The following FEZ2 variants were observed in gnomAD, a reference collection of about 807,000 sequenced individuals.
The protein encoded by FEZ2 is fasciculation and elongation protein zeta-2.
FEZ2 carries 51 observed loss-of-function variants against 40.4 expected under a neutral mutation model. The observed-to-expected ratio is 1.26, with a 90% confidence interval of 1.01 to 1.59. The LOEUF is 1.59. Ranked by LOEUF, FEZ2 falls within the 40% of genes most tolerant of loss-of-function variation. The probability of loss-of-function intolerance (pLI) is 0.00; values close to 1 mark genes in which losing one functional copy is unlikely to be tolerated. For missense variants in FEZ2, 640 were observed against 438.3 expected (o/e 1.46, Z -4.11); for synonymous variants, 242 against 172.0 (o/e 1.41, Z -3.18).
At chr2:36,563,542 A>T (rs960273335) in intron 5 of FEZ2, among the ~76,000 whole-genome samples, 2 of 152,016 alleles carry the variant, frequency 1.3e-5, no homozygotes, top group South Asian at 4.2e-4. Flanking sequence ...AAAAAACTAA[A>T]ATCTACGTCT....
chr2:36,570,660 T>G (rs1668382578), intron 5 of FEZ2, among the ~76,000 whole-genome samples: 1 of 152,202 alleles, frequency 6.6e-6, no homozygotes, highest in Admixed American at 6.5e-5. Context: ...TATAGTCTAC[T>G]CCATACTTAG....
intron 1 of FEZ2, 139 bp downstream of exon 1, chr2:36,597,738 G>C (rs1669270785): frequency 1.7e-6 from 1 of 601,462 alleles, no homozygotes; most frequent in Non-Finnish European, 2.5e-6. Context: ...CCGACGGCCG[G>C]AGGAAGGAGG....
intron 1 of FEZ2, among the ~76,000 whole-genome samples, chr2:36,596,355 A>T (rs377158817): frequency 6.6e-6 from 1 of 152,334 alleles, no homozygotes; most frequent in East Asian, 1.9e-4. Flanking sequence ...ATCAGGCTGG[A>T]AACTCCTTTC....
chr2:36,597,755 G>A (rs886443870), intron 1 of FEZ2, 122 bp downstream of exon 1: 8 of 697,136 alleles, frequency 1.1e-5, no homozygotes, highest in East Asian at 6.9e-5. Context: ...GAGGCGAGAG[G>A]GCGGGGACTC....
intron 4 of FEZ2, 23 bp downstream of exon 4, chr2:36,581,267 T>A: frequency 1.2e-6 from 2 of 1,604,998 alleles, no homozygotes; most frequent in Non-Finnish European, 1.7e-6. Context: ...ACAGAAATCA[T>A]TGATTTCAGC....
At chr2:36,562,406 G>C (rs1435486666) in intron 5 of FEZ2, among the ~76,000 whole-genome samples, 1 of 152,178 alleles carries the variant, frequency 6.6e-6, no homozygotes, top group African/African-American at 2.4e-5. Context: ...ATGTGCTTCT[G>C]TATCAGTCAT....
At chr2:36,573,046 G>A (rs1004645072) in intron 5 of FEZ2, among the ~76,000 whole-genome samples, 3 of 152,002 alleles carry the variant, frequency 2.0e-5, no homozygotes, top group Non-Finnish European at 2.9e-5. Flanking sequence ...AAAGTTGTCC[G>A]TATAAACTTT....
rs763926773 is a variant in FEZ2 at position 36,581,393 on chromosome 2, C to T, written c.531G>A (p.Pro177=). ...EEIEEMMQES[P]DPEDDETPTQ... ...TAGGGGTTTCATCATCTTCTGGGTC[C>T]GGTGATTCCTGCATCATTTCTTCAA... is the stretch of plus-strand genomic sequence containing the variant. Residue 177 remains proline, a synonymous_variant, in exon 4 of 8, where the codon CCG becomes CCA. Transcript: ENST00000405912. 2.8e-5 allele frequency: 45 copies of T among 1,613,066 alleles called. No individual in the cohort carries two copies. The highest frequency in any genetic ancestry group is 3.3e-4 in the Middle Eastern group (2 of 6,082).
chr2:36,572,041 A>AG (rs1668432169), intron 5 of FEZ2, among the ~76,000 whole-genome samples: 1 of 137,460 alleles, frequency 7.3e-6, no homozygotes, highest in African/African-American at 2.8e-5. Context: ...AAAAAAAAAA[A>AG]AAAGATAAAG....
intron 2 of FEZ2, among the ~76,000 whole-genome samples, chr2:36,586,893 C>A (rs940805519): frequency 8.5e-5 from 13 of 152,210 alleles, no homozygotes; most frequent in Admixed American, 7.2e-4. Context: ...CTGCAGTAAG[C>A]TATGATGGCG....
At chr2:36,562,291 G>T (rs1238649154) in intron 5 of FEZ2, among the ~76,000 whole-genome samples, 3 of 151,908 alleles carry the variant, frequency 2.0e-5, no homozygotes, top group African/African-American at 7.3e-5. Flanking sequence ...TTGTAACATG[G>T]CTAATATTAA....
intron 5 of FEZ2, chr2:36,560,769 A>G: frequency 6.5e-7 from 1 of 1,534,298 alleles, no homozygotes; most frequent in South Asian, 1.2e-5. Flanking sequence ...TGAGGAAAAT[A>G]AGGATAACCG....
chr2:36,575,997 G>A (rs1668558836), intron 5 of FEZ2, among the ~76,000 whole-genome samples: 1 of 152,024 alleles, frequency 6.6e-6, no homozygotes, highest in South Asian at 2.1e-4. Context: ...TTATGTTATT[G>A]GAAAAACAGG....
At chr2:36,597,754 G>C in intron 1 of FEZ2, 123 bp downstream of exon 1, 1 of 685,028 alleles carries the variant, frequency 1.5e-6, no homozygotes, top group East Asian at 3.4e-5. Flanking sequence ...GGAGGCGAGA[G>C]GGCGGGGACT....
In FEZ2 at chr2:36,597,978, C is replaced by G; in HGVS notation, c.165G>C (p.Glu55Asp). The change falls in exon 1 of 8, where the codon GAG becomes GAC. Residue 55 changes from glutamate (E) to aspartate (D), a missense_variant. By Grantham distance (45) the Glu-to-Asp change is conservative (BLOSUM62 2). Transcript: ENST00000405912. The stretch of plus-strand genomic sequence containing the variant: ...GGCGGAAGCACAGGCTCAGCTTCTC[C>G]TCCAAGCTGCAGGCCGGGGCCGGGA... ...DGFPAPACSL[E>D]EKLSLCFRPS... is the part of the protein sequence containing the mutation. The G allele has an allele frequency of 1.3e-6, 2 of 1,491,282 alleles. No individual in the cohort carries two copies. The highest frequency in any genetic ancestry group is 1.8e-6 in the Non-Finnish European group (2 of 1,126,458). 92.4% of individuals were successfully genotyped at this position (1,491,282 alleles called of 1,614,324 possible).
intron 1 of FEZ2, among the ~76,000 whole-genome samples, chr2:36,597,669 G>C (rs1039128066): frequency 6.6e-6 from 1 of 152,348 alleles, no homozygotes; most frequent in Admixed American, 6.5e-5. Flanking sequence ...CCGAGGCGGA[G>C]GTTTTCAGGG....
In FEZ2 at chr2:36,552,464, A is replaced by T. The variant is rs200898555; in HGVS notation, c.*699T>A. The T allele has an allele frequency of 4.9e-6, 1 of 203,634 alleles. No homozygotes were observed. The highest frequency in any genetic ancestry group is 9.4e-6 in the Non-Finnish European group (1 of 106,768). 12.6% of individuals were successfully genotyped at this position (203,634 alleles called of 1,614,324 possible). On this transcript the variant is annotated 3_prime_UTR_variant, in exon 8 of 8. Transcript: ENST00000405912. ...CAAGCACCTCAGAGGACACACACTT[A>T]AAGTACAATTCTTCACAGACACATG...
At position 36,581,140 on chromosome 2, in the gene FEZ2, T is replaced by G. The variant is rs979635854; in HGVS notation, c.634+150A>C. The G allele has an allele frequency of 1.5e-5, 12 of 775,006 alleles. No homozygotes were observed. The African/African-American group carries it at 1.9e-4, about 13-fold the overall frequency. 48.0% of individuals were successfully genotyped at this position (775,006 alleles called of 1,614,324 possible). On this transcript the variant is annotated intron_variant, in intron 4 of 7. Coordinates refer to ENST00000405912, the MANE Select transcript of FEZ2 (RefSeq NM_005102.3). ...TTCCAGCTTGGGCCAAAAAGTGAAA[T>G]CCCGTCTCAACAACAACAACAAAAA...
In FEZ2 at chr2:36,558,436, A is replaced by G; in HGVS notation, c.979+2T>C. The G allele has an allele frequency of 6.6e-7, 1 of 1,504,626 alleles. No individual in the cohort carries two copies. Among genetic ancestry groups the G allele is most frequent in the Non-Finnish European group, 8.9e-7 (1 of 1,119,650 alleles). The allele number at this position is 1,504,626 out of a possible 1,614,324, so 93.2% of individuals were successfully genotyped here. A position where few individuals can be genotyped will look rare whatever the true frequency, so the allele number is the denominator to read the frequency against. ...TAATAGTTTCATTTTGTCTTTGCTC[A>G]CTTTTTGTTAATATTTGAAGATCTT... On this transcript the variant is annotated splice_donor_variant, in intron 6 of 7. Coordinates refer to ENST00000405912, the MANE Select transcript of FEZ2 (RefSeq NM_005102.3). LOFTEE classifies it high-confidence loss of function.
Sources: allele counts gnomAD v4.1 joint callset (sites outside exome capture counted in the v4.1 genomes callset), GRCh38; gene constraint gnomAD v4.1.1; transcripts MANE v1.5; gene names NCBI Gene and HGNC (gene_info 2026-07-23, HGNC 2026-07-21).